KDM4C: variants seen among roughly 807,000 people sequenced by gnomAD.
The protein encoded by KDM4C is lysine demethylase 4C.
In KDM4C, 81 loss-of-function variants were observed where a neutral mutation model predicts 129.3. That is an observed-to-expected ratio of 0.63 (90% CI 0.52 to 0.75). The LOEUF is 0.75. KDM4C is among the 30% of genes least tolerant of loss of function. KDM4C has a pLI of 0.00. For synonymous variants in KDM4C, 573 were observed against 456.1 expected, an observed-to-expected ratio of 1.26 and a Z score of -3.26; for missense variants, 1,457 against 1,304.0, an observed-to-expected ratio of 1.12 and a Z score of -1.81.
intron 8 of KDM4C, among the ~76,000 whole-genome samples, chr9:6,929,476 T>C (rs560565875): frequency 0.041 from 3,350 of 81,280 alleles, 58 homozygotes; most frequent in Non-Finnish European, 0.073. Flanking sequence ...TTTTTCTTTT[T>C]TTTTTTTTTT....
At chr9:6,723,934 G>A (rs1817043854) in intron 1 of KDM4C, 2 of 152,214 alleles carry the variant, frequency 1.3e-5, no homozygotes, top group African/African-American at 4.8e-5. Context: ...TGTTAAGTAT[G>A]TATAACACTT....
chr9:7,106,666 A>G (rs993327970), intron 18 of KDM4C, among the ~76,000 whole-genome samples: 2 of 152,142 alleles, frequency 1.3e-5, no homozygotes, highest in African/African-American at 4.8e-5. Flanking sequence ...TTATTTTGTA[A>G]TTAATATATT....
chr9:6,724,758 T>G (rs1454057814), intron 1 of KDM4C, among the ~76,000 whole-genome samples: 1 of 152,156 alleles, frequency 6.6e-6, no homozygotes, highest in Non-Finnish European at 1.5e-5. Context: ...CTCGATCTCT[T>G]GACCTCGTGA....
At chr9:7,150,178 A>T (rs1842601985) in intron 19 of KDM4C, among the ~76,000 whole-genome samples, 1 of 152,214 alleles carries the variant, frequency 6.6e-6, no homozygotes. Context: ...AGTGGTCCCC[A>T]CAGAGTGCCG....
intron 1 of KDM4C, among the ~76,000 whole-genome samples, chr9:6,745,054 C>T (rs1817831644): frequency 6.6e-6 from 1 of 152,104 alleles, no homozygotes; most frequent in South Asian, 2.1e-4. Context: ...CTCCCCAGAC[C>T]TTGGGTGGTG....
intron 17 of KDM4C, among the ~76,000 whole-genome samples, chr9:7,053,463 G>T (rs1011676704): frequency 6.6e-6 from 1 of 152,074 alleles, no homozygotes; most frequent in Non-Finnish European, 1.5e-5. Context: ...TGGATTTATT[G>T]ATCCTAAAAT....
At chr9:7,134,753 A>G (rs1042592026) in intron 19 of KDM4C, among the ~76,000 whole-genome samples, 2 of 152,270 alleles carry the variant, frequency 1.3e-5, no homozygotes, top group African/African-American at 4.8e-5. Context: ...GAGTCTACTA[A>G]GAAGAAATAA....
At chr9:6,941,377 C>T (rs10975924) in intron 8 of KDM4C, among the ~76,000 whole-genome samples, 85,595 of 151,966 alleles carry the variant, frequency 0.56, 25,947 homozygotes, top group South Asian at 0.79. Flanking sequence ...TGGGGTTGTT[C>T]TTTTCTTGTA....
intron 17 of KDM4C, among the ~76,000 whole-genome samples, chr9:7,063,742 C>G (rs1311027071): frequency 6.6e-6 from 1 of 152,194 alleles, no homozygotes; most frequent in African/African-American, 2.4e-5. Context: ...AGTAGAAAAA[C>G]TTTCTGGAAG....
chr9:7,122,193 C>T (rs1839553536), intron 18 of KDM4C, among the ~76,000 whole-genome samples: 1 of 151,522 alleles, frequency 6.6e-6, no homozygotes, highest in Admixed American at 6.6e-5. Flanking sequence ...GGAAGCAGCT[C>T]ATCTTATATG....
At chr9:7,016,952 T>C (rs1364560423) in intron 15 of KDM4C, among the ~76,000 whole-genome samples, 1 of 152,206 alleles carries the variant, frequency 6.6e-6, no homozygotes, top group African/African-American at 2.4e-5. Flanking sequence ...TTTTCTCTTT[T>C]TGAGACAGGG....
chr9:6,911,382 A>G (rs1819276950), intron 8 of KDM4C, among the ~76,000 whole-genome samples: 2 of 152,232 alleles, frequency 1.3e-5, no homozygotes, highest in South Asian at 2.1e-4. Context: ...GAGTATAAAT[A>G]TCAATAATTC....
intron 19 of KDM4C, among the ~76,000 whole-genome samples, chr9:7,145,914 A>G (rs999034176): frequency 7.2e-5 from 11 of 152,280 alleles, no homozygotes; most frequent in Middle Eastern, 3.4e-3. Context: ...TGAGGATGAA[A>G]TTTTCTTGGA....
At chr9:6,992,694 T>C (rs889349780) in intron 12 of KDM4C, among the ~76,000 whole-genome samples, 1 of 152,236 alleles carries the variant, frequency 6.6e-6, no homozygotes, top group African/African-American at 2.4e-5. Context: ...TGATGTGCAG[T>C]GAGTGTTTTA....
chr9:7,060,112 G>A (rs1267370477), intron 17 of KDM4C, among the ~76,000 whole-genome samples: 2 of 151,772 alleles, frequency 1.3e-5, no homozygotes, highest in Admixed American at 6.6e-5. Context: ...TATTATTTAT[G>A]ATATCCTGTA....
chr9:7,164,384 CCTGGGGAGTTTG>C (rs1437282139), intron 19 of KDM4C, among the ~76,000 whole-genome samples: 1 of 149,310 alleles, frequency 6.7e-6, no homozygotes, highest in African/African-American at 2.5e-5. Context: ...GGATTAATCA[CCTGGGGAGTTTG>C]CTCTGAATTA....
At chr9:7,089,584 G>C (rs150125834) in intron 17 of KDM4C, among the ~76,000 whole-genome samples, 6 of 152,282 alleles carry the variant, frequency 3.9e-5, no homozygotes, top group African/African-American at 7.2e-5. Context: ...CAATACTCTT[G>C]TGAGGTATAA....
At position 6,873,798 on chromosome 9, in the gene KDM4C, C is replaced by T. The variant is rs141585328; in HGVS notation, c.630-6214C>T. On this transcript the variant is annotated intron_variant, in intron 5 of 21. Transcript: ENST00000381309. ...TTTTCTTTGCATTCCTAAGTTTCAG[C>T]TTATCTTAGCTTTCAAAATGCCCTC... 7.9e-5 allele frequency among the ~76,000 whole-genome samples: 12 copies of T among 152,244 alleles called. No individual in the cohort carries two copies. In the East Asian group the frequency reaches 2.1e-3, roughly 27 times the overall value.
At chr9:6,815,865 G>A (rs1397016184) in intron 4 of KDM4C, among the ~76,000 whole-genome samples, 2 of 152,138 alleles carry the variant, frequency 1.3e-5, no homozygotes, top group Admixed American at 6.5e-5. Flanking sequence ...TTTGCTTAAT[G>A]TTTCTTTGTG....
Sources: gnomAD v4.1 joint callset for allele counts (sites outside exome capture counted in the v4.1 genomes callset) on GRCh38, gnomAD v4.1.1 for gene constraint, MANE v1.5 for transcripts, NCBI Gene and HGNC (gene_info 2026-07-23, HGNC 2026-07-21) for gene names.